Variants in SORCS3 observed in about 807,000 individuals in gnomAD.
SORCS3 encodes sortilin related VPS10 domain containing receptor 3.
A neutral mutation model predicts 146.3 loss-of-function variants in SORCS3; 57 were observed. That is an observed-to-expected ratio of 0.39 (90% CI 0.31 to 0.49). The LOEUF (loss-of-function observed/expected upper bound fraction) is 0.49. Among genes scored for constraint, SORCS3 ranks in the 20% least tolerant of loss-of-function variants. SORCS3 has a pLI of 0.92. For missense variants in SORCS3, 1,341 were observed against 1,575.5 expected, an observed-to-expected ratio of 0.85 and a Z score of 2.52; for synonymous variants, 653 against 618.5, an observed-to-expected ratio of 1.06 and a Z score of -0.83.
chr10:105,004,839 G>A (rs991250618), intron 4 of SORCS3, among the ~76,000 whole-genome samples: 6 of 151,818 alleles, frequency 4.0e-5, no homozygotes, highest in Non-Finnish European at 7.4e-5. Flanking sequence ...GGAGTGCATC[G>A]AGAATGCAAC....
intron 1 of SORCS3, among the ~76,000 whole-genome samples, chr10:104,650,068 G>A (rs1293868376): frequency 6.6e-6 from 1 of 152,180 alleles, no homozygotes; most frequent in East Asian, 1.9e-4. Flanking sequence ...TTCCTCTTCT[G>A]TATTTGTGCC....
At chr10:104,823,986 G>T (rs1052197833) in intron 1 of SORCS3, among the ~76,000 whole-genome samples, 1 of 152,058 alleles carries the variant, frequency 6.6e-6, no homozygotes, top group Non-Finnish European at 1.5e-5. Flanking sequence ...AGACTGAAGG[G>T]GACCATGAGT....
At chr10:104,916,979 C>T (rs185912035) in intron 3 of SORCS3, among the ~76,000 whole-genome samples, 6 of 152,324 alleles carry the variant, frequency 3.9e-5, no homozygotes, top group Non-Finnish European at 8.8e-5. Flanking sequence ...ACCTGAGCCA[C>T]TAGCAGAATA....
At chr10:105,124,492 C>T (rs1417137558) in intron 7 of SORCS3, among the ~76,000 whole-genome samples, 2 of 152,132 alleles carry the variant, frequency 1.3e-5, no homozygotes, top group Non-Finnish European at 2.9e-5. Context: ...GACTCCCTTT[C>T]TCTCTTTTTA....
chr10:104,693,399 G>A (rs2016137286), intron 1 of SORCS3, among the ~76,000 whole-genome samples: 1 of 152,184 alleles, frequency 6.6e-6, no homozygotes, highest in Admixed American at 6.5e-5. Flanking sequence ...GACTTGCCAT[G>A]TTAGGGGATG....
intron 20 of SORCS3, among the ~76,000 whole-genome samples, chr10:105,225,214 A>T (rs780451826): frequency 7.2e-5 from 11 of 151,882 alleles, no homozygotes; most frequent in Non-Finnish European, 1.5e-4. Context: ...TATAGTTTTG[A>T]GTTTTACATT....
At chr10:104,790,273 A>C (rs1251804274) in intron 1 of SORCS3, among the ~76,000 whole-genome samples, 1 of 152,260 alleles carries the variant, frequency 6.6e-6, no homozygotes, top group Admixed American at 6.5e-5. Context: ...GAAAGGAAGA[A>C]CATTAACAAA....
chr10:104,652,059 ATGTGTGTG>A (rs3069971), intron 1 of SORCS3, among the ~76,000 whole-genome samples: 40 of 149,036 alleles, frequency 2.7e-4, no homozygotes, highest in Admixed American at 4.0e-4. Flanking sequence ...TATATTTTAA[ATGTGTGTG>A]TGTGTGTGTG....
intron 3 of SORCS3, among the ~76,000 whole-genome samples, chr10:104,916,858 A>C (rs1338365509): frequency 6.6e-6 from 1 of 152,236 alleles, no homozygotes; most frequent in African/African-American, 2.4e-5. Flanking sequence ...AGGTAAGCTC[A>C]GGAGCAAGCT....
intron 1 of SORCS3, among the ~76,000 whole-genome samples, chr10:104,776,412 C>T (rs758133311): frequency 3.3e-5 from 5 of 152,090 alleles, no homozygotes; most frequent in African/African-American, 4.8e-5. Context: ...TCGGGGCTGG[C>T]GGGAAGCCCT....
At chr10:104,723,106 G>A (rs2016571586) in intron 1 of SORCS3, among the ~76,000 whole-genome samples, 1 of 152,150 alleles carries the variant, frequency 6.6e-6, no homozygotes, top group African/African-American at 2.4e-5. Context: ...GCTTTCTCTT[G>A]TGGGCATTCA....
chr10:105,159,057 CTT>C (rs1056241800), intron 11 of SORCS3, 63 bp downstream of exon 11: 1 of 1,216,154 alleles, frequency 8.2e-7, no homozygotes, highest in Admixed American at 2.0e-5. Context: ...TTTGTCACCT[CTT>C]TTTGGATCAT....
intron 1 of SORCS3, among the ~76,000 whole-genome samples, chr10:104,714,680 A>G (rs1256524084): frequency 1.3e-5 from 2 of 152,180 alleles, no homozygotes; most frequent in Non-Finnish European, 2.9e-5. Flanking sequence ...AATATGGTGT[A>G]TCTTGGTGAA....
chr10:105,044,988 C>T (rs2055359882), intron 5 of SORCS3, among the ~76,000 whole-genome samples: 1 of 142,824 alleles, frequency 7.0e-6, no homozygotes, highest in Non-Finnish European at 1.5e-5. Flanking sequence ...AGTCCAGTTT[C>T]TCAGTATGCC....
chr10:104,668,364 T>G (rs898766970), intron 1 of SORCS3, among the ~76,000 whole-genome samples: 1 of 152,198 alleles, frequency 6.6e-6, no homozygotes, highest in African/African-American at 2.4e-5. Context: ...TTTTCTTTGT[T>G]AAGTGTTACA....
At chr10:105,124,926 C>T (rs960631265) in intron 7 of SORCS3, among the ~76,000 whole-genome samples, 15 of 152,190 alleles carry the variant, frequency 9.9e-5, no homozygotes, top group African/African-American at 3.1e-4. Context: ...CTGGAATAAA[C>T]GCTTTCAGTT....
intron 9 of SORCS3, among the ~76,000 whole-genome samples, chr10:105,150,830 G>T (rs1435369435): frequency 6.6e-6 from 1 of 152,074 alleles, no homozygotes; most frequent in African/African-American, 2.4e-5. Context: ...TGGTCTCTAG[G>T]GGTCATTAGA....
intron 20 of SORCS3, among the ~76,000 whole-genome samples, chr10:105,242,482 A>C (rs1349377814): frequency 1.1e-3 from 57 of 54,050 alleles, no homozygotes; most frequent in Middle Eastern, 0.023. Context: ...ATATTTATAT[A>C]TTTATATATT....
intron 3 of SORCS3, among the ~76,000 whole-genome samples, chr10:104,969,079 C>A (rs1000081751): frequency 1.3e-5 from 2 of 152,158 alleles, no homozygotes; most frequent in Non-Finnish European, 2.9e-5. Context: ...CGTGAATATA[C>A]AATACACGTA....
Sources: gnomAD v4.1 joint callset for allele counts (sites outside exome capture counted in the v4.1 genomes callset) on GRCh38, gnomAD v4.1.1 for gene constraint, MANE v1.5 for transcripts, NCBI Gene and HGNC (gene_info 2026-07-23, HGNC 2026-07-21) for gene names.